The following CNTLN variants were observed in gnomAD, a reference collection of about 807,000 sequenced individuals.
CNTLN encodes the protein centlein.
CNTLN carries 212 observed loss-of-function variants against 180.0 expected under a neutral mutation model. The observed-to-expected ratio is 1.18, with a 90% CI of 1.05 to 1.32. CNTLN has a LOEUF of 1.32. CNTLN is among the 40% of genes most tolerant of loss of function. The pLI is 0.00. For synonymous variants in CNTLN, 722 were observed against 563.1 expected (o/e 1.28, Z -3.99); for missense variants, 2,095 against 1,610.9 (o/e 1.30, Z -5.14).
chr9:17,398,130 C>T (rs917676018), intron 15 of CNTLN, among the ~76,000 whole-genome samples: 2 of 152,058 alleles, frequency 1.3e-5, no homozygotes, highest in Non-Finnish European at 2.9e-5. Flanking sequence ...CATGCCTTTT[C>T]AGTGATGGGT....
chr9:17,140,553 C>T (rs1366050190), intron 1 of CNTLN, among the ~76,000 whole-genome samples: 2 of 152,086 alleles, frequency 1.3e-5, no homozygotes, highest in African/African-American at 2.4e-5. Context: ...AATCGTCCCA[C>T]CCTCAGTCTC....
In CNTLN at chr9:17,348,532, C is replaced by CTT. The variant is rs35021719; in HGVS notation, c.1886+6103_1886+6104dup. Among the ~76,000 whole-genome samples the CTT allele has an allele frequency of 4.9e-3, 690 of 141,018 alleles. 4 individuals are homozygous for CTT. The highest frequency in any genetic ancestry group is 7.2e-3 in the Admixed American group (101 of 14,010). 92.5% of individuals were successfully genotyped at this position (141,018 alleles called of 152,430 possible). On this transcript the variant is annotated intron_variant, in intron 12 of 25. Transcript: ENST00000380647. Reference sequence around the variant, plus strand: ...CTCTGCTTTCTTTCTTTCTTTCTTTCTTTTTTTTTTTTTTTTGAGACGGAG... The same window carrying CTT: ...CTCTGCTTTCTTTCTTTCTTTCTTTCTTTTTTTTTTTTTTTTTTGAGACGGAG...
chr9:17,496,460 A>G (rs1833463125), intron 25 of CNTLN, among the ~76,000 whole-genome samples: 1 of 152,182 alleles, frequency 6.6e-6, no homozygotes, highest in East Asian at 1.9e-4. Flanking sequence ...TTATAAGGCT[A>G]CTAATCCCAT....
At chr9:17,175,483 C>T (rs1200211531) in intron 2 of CNTLN, among the ~76,000 whole-genome samples, 1 of 152,138 alleles carries the variant, frequency 6.6e-6, no homozygotes, top group Non-Finnish European at 1.5e-5. Flanking sequence ...CTTGGTTCTT[C>T]ATTCTGTTCT....
At chr9:17,359,481 A>G (rs1246654654) in intron 12 of CNTLN, among the ~76,000 whole-genome samples, 3 of 151,964 alleles carry the variant, frequency 2.0e-5, no homozygotes, top group African/African-American at 4.8e-5. Flanking sequence ...TATGTCCAGG[A>G]AAGTAGTAGT....
intron 10 of CNTLN, among the ~76,000 whole-genome samples, chr9:17,340,363 C>T (rs1474811783): frequency 6.6e-6 from 1 of 152,056 alleles, no homozygotes; most frequent in Non-Finnish European, 1.5e-5. Context: ...TATGTGTAAT[C>T]CTTGTGCCTT....
At chr9:17,445,217 T>C (rs1830334416) in intron 18 of CNTLN, among the ~76,000 whole-genome samples, 1 of 152,148 alleles carries the variant, frequency 6.6e-6, no homozygotes, top group African/African-American at 2.4e-5. Flanking sequence ...ATCAACATGA[T>C]ATGAATACTT....
intron 6 of CNTLN, among the ~76,000 whole-genome samples, chr9:17,280,408 T>C (rs1309228429): frequency 6.6e-6 from 1 of 152,194 alleles, no homozygotes; most frequent in African/African-American, 2.4e-5. Flanking sequence ...AAAGCTATGA[T>C]GGCATTTTTT....
intron 8 of CNTLN, among the ~76,000 whole-genome samples, chr9:17,329,940 G>A (rs1045547274): frequency 6.6e-6 from 1 of 151,838 alleles, no homozygotes; most frequent in Non-Finnish European, 1.5e-5. Context: ...TTGAAACAGC[G>A]AATTTGCATG....
intron 5 of CNTLN, among the ~76,000 whole-genome samples, chr9:17,268,315 T>G (rs1327813724): frequency 1.3e-5 from 2 of 152,220 alleles, no homozygotes; most frequent in African/African-American, 2.4e-5. Flanking sequence ...AGACCCTGTT[T>G]GCCTGGGTAT....
At chr9:17,220,727 G>A (rs576238624) in intron 2 of CNTLN, among the ~76,000 whole-genome samples, 2 of 152,264 alleles carry the variant, frequency 1.3e-5, no homozygotes, top group African/African-American at 4.8e-5. Flanking sequence ...TTAGTTTTCT[G>A]AGGATAATGA....
chr9:17,188,777 G>T (rs1821598011), intron 2 of CNTLN, among the ~76,000 whole-genome samples: 1 of 151,844 alleles, frequency 6.6e-6, no homozygotes, highest in Non-Finnish European at 1.5e-5. Flanking sequence ...TCTCCATTAT[G>T]TTCATGTTTT....
chr9:17,233,008 C>G (rs10962921), intron 3 of CNTLN, among the ~76,000 whole-genome samples: 1 of 151,916 alleles, frequency 6.6e-6, no homozygotes, highest in Non-Finnish European at 1.5e-5. Context: ...AAGTTAAAAA[C>G]TGAGATGCTA....
chr9:17,298,734 A>C, intron 7 of CNTLN: 1 of 989,514 alleles, frequency 1.0e-6, no homozygotes, highest in Non-Finnish European at 1.2e-6. Flanking sequence ...AAATTTGTAC[A>C]TTATTTTTCG....
intron 23 of CNTLN, among the ~76,000 whole-genome samples, chr9:17,472,688 G>A (rs1376076005): frequency 6.6e-6 from 1 of 152,006 alleles, no homozygotes; most frequent in East Asian, 1.9e-4. Context: ...TCTGCATTGG[G>A]AAGAAAAATC....
intron 23 of CNTLN, among the ~76,000 whole-genome samples, chr9:17,470,277 G>C (rs1172403579): frequency 6.6e-6 from 1 of 151,868 alleles, no homozygotes; most frequent in African/African-American, 2.4e-5. Context: ...TGTGAACAGT[G>C]AGAACTATGT....
At chr9:17,265,455 G>C (rs550483132) in intron 5 of CNTLN, among the ~76,000 whole-genome samples, 3 of 152,124 alleles carry the variant, frequency 2.0e-5, no homozygotes, top group South Asian at 2.1e-4. Flanking sequence ...GTATTTTATT[G>C]AGGATTTTTA....
At chr9:17,250,544 C>G (rs946437789) in intron 5 of CNTLN, among the ~76,000 whole-genome samples, 1 of 151,932 alleles carries the variant, frequency 6.6e-6, no homozygotes, top group African/African-American at 2.4e-5. Context: ...GTAGATTGCA[C>G]ATATCTTTCT....
At chr9:17,506,023 T>C (rs1474625122), downstream of CNTLN, among the ~76,000 whole-genome samples, 1 of 151,492 alleles carries the variant, frequency 6.6e-6, no homozygotes, top group Non-Finnish European at 1.5e-5. Flanking sequence ...AGCAATTCAA[T>C]AGAGGCATAA....
Sources: gnomAD v4.1 joint callset for allele counts (sites outside exome capture counted in the v4.1 genomes callset) on GRCh38, gnomAD v4.1.1 for gene constraint, MANE v1.5 for transcripts, NCBI Gene and HGNC (gene_info 2026-07-23, HGNC 2026-07-21) for gene names.